CENPP: variants seen among roughly 807,000 people sequenced by gnomAD.
The protein encoded by CENPP is centromere protein P.
A neutral mutation model predicts 35.6 loss-of-function variants in CENPP; 24 were observed. The ratio of observed to expected loss-of-function variants is 0.67; its 90% CI spans 0.49 to 0.95. CENPP has a LOEUF of 0.95. Ranked by LOEUF, CENPP falls within the 40% of genes least tolerant of loss-of-function variation. The probability of loss-of-function intolerance (pLI) is 0.00; values close to 1 mark genes in which losing one functional copy is unlikely to be tolerated. For missense variants in CENPP, 332 were observed against 345.3 expected (o/e 0.96, Z 0.31); for synonymous variants, 120 against 125.5 (o/e 0.96, Z 0.29).
At chr9:92,410,309 T>G (rs1450778881) in intron 5 of CENPP, among the ~76,000 whole-genome samples, 2 of 152,184 alleles carry the variant, frequency 1.3e-5, no homozygotes, top group Admixed American at 1.3e-4. Context: ...AAAAAATGAT[T>G]GTTAATCTGT....
At chr9:92,330,698 T>TG (rs1442286042) in intron 1 of CENPP, among the ~76,000 whole-genome samples, 1 of 146,358 alleles carries the variant, frequency 6.8e-6, no homozygotes, top group Non-Finnish European at 1.5e-5. Flanking sequence ...GTTTTTTTTT[T>TG]TTTTTGTTGA....
intron 5 of CENPP, among the ~76,000 whole-genome samples, chr9:92,559,944 C>T (rs766963071): frequency 2.0e-5 from 3 of 152,164 alleles, no homozygotes; most frequent in Non-Finnish European, 4.4e-5. Context: ...GCACAAGGAT[C>T]GCTTGAGCAA....
intron 5 of CENPP, among the ~76,000 whole-genome samples, chr9:92,464,420 G>C (rs4744133): frequency 6.6e-6 from 1 of 152,074 alleles, no homozygotes; most frequent in Non-Finnish European, 1.5e-5. Context: ...TGGCCCATTA[G>C]TCTTCACAGT....
chr9:92,515,122 G>A (rs1215316113), intron 5 of CENPP: 1 of 1,613,634 alleles, frequency 6.2e-7, no homozygotes. Context: ...AAGTAAATTG[G>A]TAGGTTCTCT....
intron 5 of CENPP, chr9:92,600,540 G>A: frequency 1.2e-6 from 2 of 1,612,670 alleles, no homozygotes; most frequent in South Asian, 1.1e-5. Context: ...ACCCCACTGG[G>A]GCTGGGGCAC....
rs549788441 is a variant in CENPP at position 92,326,010 on chromosome 9, G to A, written c.12G>A (p.Glu4=). 13 of 1,552,694 alleles carry A rather than the reference G, an allele frequency of 8.4e-6. No individual in the cohort carries two copies. The African/African-American group carries it at 1.8e-4, about 21-fold the overall frequency. The change falls in exon 1 of 8, where the codon GAG becomes GAA. Residue 4 remains glutamate (E), a synonymous_variant. Coordinates refer to ENST00000375587, the MANE Select transcript of CENPP (RefSeq NM_001012267.3). ...GTCAGCAACGCGCCATGGACGCAGA[G>A]CTGGCAGAGGTGCGCGCCTTGCAAG... MDA[E]LAEVRALQAE...
intron 5 of CENPP, chr9:92,459,750 T>G: frequency 6.2e-6 from 10 of 1,613,790 alleles, no homozygotes; most frequent in Non-Finnish European, 8.5e-6. Flanking sequence ...ATCTGTGATT[T>G]TGTTGTTTCC....
chr9:92,605,920 T>C (rs1047021258), intron 5 of CENPP, among the ~76,000 whole-genome samples: 3 of 152,140 alleles, frequency 2.0e-5, no homozygotes, highest in South Asian at 2.1e-4. Flanking sequence ...TTCTAGAATA[T>C]ATAAAGAGCT....
chr9:92,446,200 A>G (rs1214295142), intron 5 of CENPP, among the ~76,000 whole-genome samples: 1 of 152,154 alleles, frequency 6.6e-6, no homozygotes, highest in Non-Finnish European at 1.5e-5. Context: ...GAGTTGTCCC[A>G]GTGTTTCTGC....
intron 5 of CENPP, chr9:92,517,404 TTC>T (rs1847796218): frequency 1.8e-6 from 1 of 569,784 alleles, no homozygotes; most frequent in East Asian, 2.9e-5. Flanking sequence ...GTTGTAGAAA[TTC>T]TGTTACCATA....
chr9:92,492,137 G>C (rs1380633711), intron 5 of CENPP, among the ~76,000 whole-genome samples: 1 of 152,106 alleles, frequency 6.6e-6, no homozygotes, highest in African/African-American at 2.4e-5. Context: ...ACCTAAATTA[G>C]TAAAATTAGA....
Position 92,616,078 on chromosome 9 carries a change from T to C in CENPP, c.*2929T>C, listed in dbSNP as rs938167080. On this transcript the variant is annotated 3_prime_UTR_variant, in exon 8 of 8. Transcript: ENST00000375587. ...CAGAGCTGCAAGTAAAAAGTACCAT[T>C]TCAGGATACACAAGCCCCCCATTCA... 10 of 1,549,050 alleles carry C rather than the reference T, an allele frequency of 6.5e-6. No homozygotes were observed. In the Admixed American group the frequency reaches 6.9e-5, roughly 11 times the overall value.
intron 5 of CENPP, among the ~76,000 whole-genome samples, chr9:92,411,740 C>T (rs1843449753): frequency 6.6e-6 from 1 of 152,222 alleles, no homozygotes; most frequent in African/African-American, 2.4e-5. Context: ...ATCTCTTAAA[C>T]TGTGCAAGAA....
intron 5 of CENPP, among the ~76,000 whole-genome samples, chr9:92,445,633 C>T (rs932818938): frequency 3.9e-5 from 6 of 152,142 alleles, no homozygotes; most frequent in African/African-American, 9.7e-5. Flanking sequence ...CCTGTAATCT[C>T]AACACTTTGG....
intron 5 of CENPP, among the ~76,000 whole-genome samples, chr9:92,552,758 T>C (rs921875359): frequency 2.6e-5 from 4 of 152,174 alleles, no homozygotes; most frequent in African/African-American, 7.2e-5. Flanking sequence ...GTCAGATGTA[T>C]AGATTGTGAG....
chr9:92,411,376 T>C (rs957967697), intron 5 of CENPP, among the ~76,000 whole-genome samples: 7 of 152,126 alleles, frequency 4.6e-5, no homozygotes, highest in Admixed American at 4.6e-4. Flanking sequence ...TTCACTGCAA[T>C]GTCCACTTGC....
chr9:92,592,998 C>T (rs1402357864), intron 5 of CENPP, among the ~76,000 whole-genome samples: 2 of 152,194 alleles, frequency 1.3e-5, no homozygotes, highest in Non-Finnish European at 2.9e-5. Flanking sequence ...ATTAGTGGCT[C>T]CTGTAGCTAG....
Position 92,337,443 on chromosome 9 carries a change from T to C in CENPP, c.290-98T>C, listed in dbSNP as rs541841108. On this transcript the variant is annotated intron_variant, in intron 2 of 7. Coordinates refer to ENST00000375587, the MANE Select transcript of CENPP (RefSeq NM_001012267.3). ...TTGCTAATGCACACTTTCACACATA[T>C]ACCCACATGTATTGTAGATATTCAC... 28 of 714,960 alleles carry C rather than the reference T, an allele frequency of 3.9e-5. No homozygotes were observed. The African/African-American group carries it at 4.1e-4, about 10-fold the overall frequency. The allele number at this position is 714,960 out of a possible 1,614,324, so 44.3% of individuals were successfully genotyped here.
chr9:92,363,536 T>C (rs1841815388), intron 4 of CENPP, among the ~76,000 whole-genome samples: 1 of 152,226 alleles, frequency 6.6e-6, no homozygotes, highest in South Asian at 2.1e-4. Context: ...TGCAGTAGGC[T>C]GTACCATTTA....
Sources: allele counts gnomAD v4.1 joint callset (sites outside exome capture counted in the v4.1 genomes callset), GRCh38; gene constraint gnomAD v4.1.1; transcripts MANE v1.5; gene names NCBI Gene and HGNC (gene_info 2026-07-23, HGNC 2026-07-21).